NFU1: variants seen among roughly 807,000 people sequenced by gnomAD.
The protein encoded by NFU1 is NFU1 iron-sulfur cluster scaffold homolog, mitochondrial.
NFU1 carries 30 observed loss-of-function variants against 32.2 expected under a neutral mutation model. The observed-to-expected ratio is 0.93, with a 90% CI of 0.70 to 1.26. The LOEUF is 1.26. NFU1 is among the 50% of genes most tolerant of loss of function. NFU1 has a pLI of 0.00. For missense variants in NFU1, 306 were observed against 306.6 expected, an observed-to-expected ratio of 1.00 and a Z score of 0.02; for synonymous variants, 112 against 104.6, an observed-to-expected ratio of 1.07 and a Z score of -0.43.
chr2:69,417,657 T>C (rs1673101090), intron 4 of NFU1, among the ~76,000 whole-genome samples: 1 of 152,044 alleles, frequency 6.6e-6, no homozygotes, highest in Non-Finnish European at 1.5e-5. Context: ...CATCTATATG[T>C]ATGTGTAGAT....
chr2:69,430,070 A>T lies in NFU1; in HGVS notation c.166+1832T>A, dbSNP rs532959943. ...AAACACCTAATTTGAATAGGTACTTAACAAAATCATTACAATTATAATCTC... is the reference window on the plus strand; with the variant it reads ...AAACACCTAATTTGAATAGGTACTTTACAAAATCATTACAATTATAATCTC... On this transcript the variant is annotated intron_variant, in intron 2 of 7. Coordinates refer to ENST00000410022, the MANE Select transcript of NFU1 (RefSeq NM_001002755.4). 2.6e-4 allele frequency: 67 copies of T among 257,266 alleles called. 1 individual carries two copies. Among genetic ancestry groups the T allele is most frequent in the South Asian group, 2.3e-3 (66 of 28,876 alleles). The allele number at this position is 257,266 out of a possible 1,614,324, so 15.9% of individuals were successfully genotyped here. A position where few individuals can be genotyped will look rare whatever the true frequency, so the allele number is the denominator to read the frequency against.
At position 69,396,197 on chromosome 2, in the gene NFU1, A is replaced by G. The variant is rs1482902214; in HGVS notation, c.*49T>C. The G allele has an allele frequency of 2.8e-6, 4 of 1,431,974 alleles. No homozygotes were observed. In the East Asian group the frequency reaches 9.1e-5, roughly 33 times the overall value. The allele number at this position is 1,431,974 out of a possible 1,614,324, so 88.7% of individuals were successfully genotyped here. A position where few individuals can be genotyped will look rare whatever the true frequency, so the allele number is the denominator to read the frequency against. On this transcript the variant is annotated 3_prime_UTR_variant, in exon 8 of 8. Coordinates refer to ENST00000410022, the MANE Select transcript of NFU1 (RefSeq NM_001002755.4). ...CATATTAATAATAAAAACTTGATAT[A>G]TATTATCAACAAGTCTGACTGTTAT... is the stretch of plus-strand genomic sequence containing the variant.
At position 69,415,720 on chromosome 2, in the gene NFU1, A is replaced by G. The variant is rs762854225; in HGVS notation, c.370-421T>C. On this transcript the variant is annotated intron_variant, in intron 4 of 7. Transcript: ENST00000410022. ...GTTGGGCACGGTGGTTCATGCCTGT[A>G]ATCCCAGCATTTTGAGAGGTCGAAG... Among the ~76,000 whole-genome samples, 75 of 152,190 alleles carry G rather than the reference A, an allele frequency of 4.9e-4. 1 individual carries two copies. Among genetic ancestry groups the G allele is most frequent in the Non-Finnish European group, 1.3e-4 (9 of 68,044 alleles).
intron 5 of NFU1, among the ~76,000 whole-genome samples, chr2:69,414,891 T>C (rs1558825662): frequency 2.0e-5 from 3 of 152,124 alleles, no homozygotes; most frequent in Non-Finnish European, 2.9e-5. Flanking sequence ...GTTTTGTTTT[T>C]CCCAAAAGCC....
chr2:69,438,315 C>T (rs1189900214), upstream of NFU1, among the ~76,000 whole-genome samples: 6 of 151,366 alleles, frequency 4.0e-5, no homozygotes, highest in Admixed American at 1.3e-4. Flanking sequence ...AGCAGGAGTG[C>T]GATCATAGCT....
chr2:69,421,758 G>A (rs962289859), intron 3 of NFU1, among the ~76,000 whole-genome samples: 1 of 151,598 alleles, frequency 6.6e-6, no homozygotes, highest in African/African-American at 2.4e-5. Context: ...TAGTAGAGAT[G>A]GGGTTTCACT....
intron 6 of NFU1, among the ~76,000 whole-genome samples, chr2:69,404,024 G>C (rs1232922800): frequency 6.6e-6 from 1 of 150,400 alleles, no homozygotes; most frequent in East Asian, 2.0e-4. Flanking sequence ...ATTTTTAATA[G>C]AGACAGGGTT....
intron 2 of NFU1, among the ~76,000 whole-genome samples, chr2:69,427,036 G>A (rs1242694228): frequency 6.7e-6 from 1 of 148,194 alleles, no homozygotes; most frequent in Non-Finnish European, 1.5e-5. Flanking sequence ...CTCCAGCCTG[G>A]GCAATAGAGA....
chr2:69,419,485 CA>C, intron 4 of NFU1, 52 bp downstream of exon 4: 1 of 936,576 alleles, frequency 1.1e-6, no homozygotes, highest in Non-Finnish European at 1.7e-6. Flanking sequence ...GCATTGGACT[CA>C]GAAAAAAATG....
chr2:69,438,916 A>C (rs993091229), upstream of NFU1, among the ~76,000 whole-genome samples: 9 of 49,340 alleles, frequency 1.8e-4, no homozygotes, highest in Admixed American at 3.0e-4. Context: ...ACCCCCCCAC[A>C]CACACCCATT....
intron 2 of NFU1, chr2:69,430,038 C>G: frequency 3.3e-6 from 1 of 307,588 alleles, no homozygotes. Flanking sequence ...CAAAAACAAA[C>G]AAAAAAAAAC....
intron 5 of NFU1, among the ~76,000 whole-genome samples, chr2:69,408,974 G>T (rs991920224): frequency 6.8e-6 from 1 of 146,524 alleles, no homozygotes; most frequent in African/African-American, 2.5e-5. Context: ...TAAGTAGTTG[G>T]AATTACAGGT....
At position 69,415,202 on chromosome 2, in the gene NFU1, G is replaced by A. The variant is rs1229895168; in HGVS notation, c.467C>T (p.Thr156Ile). The change falls in exon 5 of 8, where the codon ACA becomes ATA. Residue 156 changes from threonine to isoleucine, a missense_variant. Coordinates refer to ENST00000410022, the MANE Select transcript of NFU1 (RefSeq NM_001002755.4). ...ASGLPLVTEE[T>I]PSGEAGSEED... ...CATGTTACCTGCTTCTCCTGAAGGT[G>A]TTTCCTCAGTAACCAGGGGTAAGCC... 6.2e-7 allele frequency: 1 copy of A among 1,602,326 alleles called. No individual in the cohort carries two copies. Among genetic ancestry groups the A allele is most frequent in the Non-Finnish European group, 8.6e-7 (1 of 1,169,356 alleles).
chr2:69,415,352 T>C (rs1384808496), intron 4 of NFU1, 53 bp from the exon 5 acceptor site: 4 of 952,978 alleles, frequency 4.2e-6, no homozygotes, highest in African/African-American at 3.3e-5. Flanking sequence ...CAAAGACCCA[T>C]ACAGAACACT....
intron 2 of NFU1, among the ~76,000 whole-genome samples, chr2:69,430,916 T>G (rs1485872196): frequency 6.6e-6 from 1 of 152,182 alleles, no homozygotes; most frequent in Admixed American, 6.5e-5. Context: ...GAGGCTGAAT[T>G]TATATGCTTA....
chr2:69,437,387 C>T lies in NFU1; in HGVS notation c.36G>A (p.Ala12=), dbSNP rs1209204465. The T allele has an allele frequency of 3.1e-6, 5 of 1,609,636 alleles. No individual in the cohort carries two copies. Among genetic ancestry groups the T allele is most frequent in the Non-Finnish European group, 4.2e-6 (5 of 1,179,280 alleles). Residue 12 remains alanine, a synonymous_variant, in exon 1 of 8, where the codon GCG becomes GCA. Transcript: ENST00000410022. ...GCCTGCGCAGCCCGGCGGCAACAGC[C>T]GCAGCTCCCCAGCCCCGCCTGGCCG... The part of the protein sequence containing the change: ...AATARRGWGA[A]AVAAGLRRRF...
chr2:69,437,451 T>C (rs781253945), upstream of NFU1: 1 of 1,606,494 alleles, frequency 6.2e-7, no homozygotes, highest in African/African-American at 1.3e-5. Context: ...AGGGTCTCCC[T>C]GACAGAACCA....
intron 6 of NFU1, among the ~76,000 whole-genome samples, chr2:69,405,237 T>TA (rs889617095): frequency 1.9e-4 from 29 of 151,436 alleles, no homozygotes; most frequent in African/African-American, 4.1e-4. Context: ...GACTCCGTCT[T>TA]AAAAAAAAAC....
upstream of NFU1, among the ~76,000 whole-genome samples, chr2:69,439,393 C>T (rs993702786): frequency 3.3e-5 from 5 of 152,274 alleles, no homozygotes; most frequent in Admixed American, 1.3e-4. Flanking sequence ...GAGTTTGTTT[C>T]TTCTGGTGGG....
Sources: allele counts gnomAD v4.1 joint callset (sites outside exome capture counted in the v4.1 genomes callset), GRCh38; gene constraint gnomAD v4.1.1; transcripts MANE v1.5; gene names NCBI Gene and HGNC (gene_info 2026-07-23, HGNC 2026-07-21).